Variants in HDAC4 observed in about 807,000 individuals in gnomAD.
HDAC4 encodes histone deacetylase 4.
Under a neutral mutation model 135.1 loss-of-function variants are expected in HDAC4, and 16 were observed. The ratio of observed to expected loss-of-function variants is 0.12; its 90% confidence interval spans 0.08 to 0.18. The LOEUF (loss-of-function observed/expected upper bound fraction) is 0.18, where lower values mean the gene tolerates loss of function less well. Ranked by LOEUF, HDAC4 falls within the 10% of genes least tolerant of loss-of-function variation. The pLI is 1.00. For synonymous variants in HDAC4, 685 were observed against 653.4 expected (o/e 1.05, Z -0.74); for missense variants, 1,143 against 1,511.8 (o/e 0.76, Z 4.05).
chr2:239,150,064 G>A (rs2042013062), intron 7 of HDAC4, among the ~76,000 whole-genome samples: 1 of 152,140 alleles, frequency 6.6e-6, no homozygotes, highest in Non-Finnish European at 1.5e-5. Context: ...TAGACTACTT[G>A]AGAGAAAGGC....
intron 1 of HDAC4, among the ~76,000 whole-genome samples, chr2:239,360,549 C>CA (rs1156508654): frequency 1.3e-5 from 2 of 152,248 alleles, no homozygotes; most frequent in African/African-American, 4.8e-5. Context: ...TGCCTGGCTG[C>CA]AAGTTCCACT....
intron 16 of HDAC4, among the ~76,000 whole-genome samples, chr2:239,095,768 T>C (rs2036964712): frequency 6.6e-6 from 1 of 152,184 alleles, no homozygotes; most frequent in Non-Finnish European, 1.5e-5. Flanking sequence ...TTTGACCCAG[T>C]GCTGGCTGAA....
intron 22 of HDAC4, among the ~76,000 whole-genome samples, chr2:239,073,318 G>T (rs1559373408): frequency 6.6e-6 from 1 of 152,314 alleles, no homozygotes; most frequent in East Asian, 1.9e-4. Context: ...GCTGTGCCCC[G>T]AGGGCCATCG....
chr2:239,227,453 C>T (rs1356383719), intron 3 of HDAC4, among the ~76,000 whole-genome samples: 5 of 152,160 alleles, frequency 3.3e-5, no homozygotes, highest in African/African-American at 9.7e-5. Flanking sequence ...CAGCCCCCAG[C>T]GGCCAGCACC....
chr2:239,269,642 C>T lies in HDAC4; in HGVS notation c.23-32978G>A, dbSNP rs58506646. Among the ~76,000 whole-genome samples, 238 of 152,310 alleles carry T rather than the reference C, an allele frequency of 1.6e-3. 1 individual carries two copies. Among genetic ancestry groups the T allele is most frequent in the African/African-American group, 5.3e-3 (219 of 41,556 alleles). ...GTGGGCTGGCCACTGCGAGCCCGTG[C>T]GCTTTCCTAAAAAGACAAATATCAA... On this transcript the variant is annotated intron_variant, in intron 2 of 26. Transcript: ENST00000543185.
At chr2:239,324,595 C>T (rs765622179) in intron 2 of HDAC4, among the ~76,000 whole-genome samples, 1 of 152,218 alleles carries the variant, frequency 6.6e-6, no homozygotes, top group Non-Finnish European at 1.5e-5. Context: ...GCAGATAGCA[C>T]GCAGGACTCT....
chr2:239,164,642 T>C (rs1277610306), intron 5 of HDAC4, among the ~76,000 whole-genome samples: 1 of 152,260 alleles, frequency 6.6e-6, no homozygotes, highest in African/African-American at 2.4e-5. Context: ...AGTACTTCTA[T>C]CCTTCTTACA....
chr2:239,062,426 C>T (rs1222613360), intron 24 of HDAC4, among the ~76,000 whole-genome samples: 2 of 152,270 alleles, frequency 1.3e-5, no homozygotes, highest in African/African-American at 4.8e-5. Flanking sequence ...AGGGGCGGGG[C>T]CCAGGCCAAC....
At position 239,165,579 on chromosome 2, in the gene HDAC4, G is replaced by T. The variant is rs555361730; in HGVS notation, c.491-1656C>A. 3.3e-5 allele frequency among the ~76,000 whole-genome samples: 5 copies of T among 152,246 alleles called. No individual in the cohort carries two copies. The East Asian group carries it at 7.7e-4, about 24-fold the overall frequency. ...GAGAGCCTAGTATATGCCAGCCCTG[G>T]CCTGGTTCGGCCTCGCATGAGAGCT... On this transcript the variant is annotated intron_variant, in intron 5 of 26. Coordinates refer to ENST00000543185, the MANE Select transcript of HDAC4 (RefSeq NM_001378414.1).
intron 17 of HDAC4, chr2:239,094,499 C>G: frequency 9.9e-7 from 1 of 1,014,530 alleles, no homozygotes; most frequent in Non-Finnish European, 1.2e-6. Flanking sequence ...ACCAGTGATT[C>G]ATATGCCCAG....
chr2:239,217,294 C>G (rs1235561762), intron 3 of HDAC4, among the ~76,000 whole-genome samples: 1 of 152,172 alleles, frequency 6.6e-6, no homozygotes, highest in Non-Finnish European at 1.5e-5. Flanking sequence ...ACCAGATCTT[C>G]AAACCCAACT....
chr2:239,253,464 T>C (rs1056247608), intron 2 of HDAC4, among the ~76,000 whole-genome samples: 6 of 152,194 alleles, frequency 3.9e-5, no homozygotes, highest in African/African-American at 7.2e-5. Context: ...AGTGGCTGAA[T>C]GTGTACTCCT....
intron 3 of HDAC4, among the ~76,000 whole-genome samples, chr2:239,234,534 G>A (rs903513910): frequency 3.3e-5 from 5 of 152,298 alleles, no homozygotes; most frequent in South Asian, 2.1e-4. Context: ...ACTAGTCAAC[G>A]GGACACTGAG....
chr2:239,329,625 T>G (rs1691424394), intron 2 of HDAC4, among the ~76,000 whole-genome samples: 1 of 151,936 alleles, frequency 6.6e-6, no homozygotes, highest in Non-Finnish European at 1.5e-5. Context: ...ATTCTGAAAT[T>G]TCAAACACTG....
At chr2:239,111,782 T>C (rs1182364067) in intron 13 of HDAC4, 70 bp from the exon 14 acceptor site, 4 of 1,387,702 alleles carry the variant, frequency 2.9e-6, no homozygotes, top group Non-Finnish European at 4.0e-6. Flanking sequence ...GGCTAGGGGT[T>C]GCCCTCTCTT....
intron 16 of HDAC4, among the ~76,000 whole-genome samples, chr2:239,101,239 G>A (rs1365483568): frequency 6.6e-6 from 1 of 152,212 alleles, no homozygotes; most frequent in Non-Finnish European, 1.5e-5. Flanking sequence ...GACTCCGGAA[G>A]CAGCGTGACC....
intron 1 of HDAC4, among the ~76,000 whole-genome samples, chr2:239,370,088 G>C (rs988377890): frequency 2.0e-5 from 3 of 152,254 alleles, no homozygotes; most frequent in Admixed American, 2.0e-4. Flanking sequence ...CAGGACGGCA[G>C]GCCGTCTGCC....
intron 1 of HDAC4, among the ~76,000 whole-genome samples, chr2:239,358,036 C>T (rs1693623112): frequency 1.3e-5 from 2 of 152,034 alleles, no homozygotes; most frequent in African/African-American, 4.8e-5. Flanking sequence ...CCTTGAAAAG[C>T]CCAAGCTACC....
At chr2:239,122,750 C>G (rs546960262) in intron 12 of HDAC4, among the ~76,000 whole-genome samples, 1 of 152,322 alleles carries the variant, frequency 6.6e-6, no homozygotes, top group South Asian at 2.1e-4. Context: ...AGGCACGGGC[C>G]GCCTCTCTTT....
Sources: gnomAD v4.1 joint callset for allele counts (sites outside exome capture counted in the v4.1 genomes callset) on GRCh38, gnomAD v4.1.1 for gene constraint, MANE v1.5 for transcripts, NCBI Gene and HGNC (gene_info 2026-07-23, HGNC 2026-07-21) for gene names.